Variants in USH2A observed in about 807,000 individuals in gnomAD.
USH2A encodes the protein usherin.
USH2A carries 443 observed loss-of-function variants against 538.9 expected under a neutral mutation model. The observed-to-expected ratio is 0.82, with a 90% CI of 0.76 to 0.89. The LOEUF (loss-of-function observed/expected upper bound fraction) is 0.89. Among genes scored for constraint, USH2A ranks in the 40% least tolerant of loss-of-function variants. USH2A has a pLI of 0.00. For synonymous variants in USH2A, 2,413 were observed against 2,273.5 expected (o/e 1.06, Z -1.75); for missense variants, 6,633 against 6,324.8 (o/e 1.05, Z -1.65).
chr1:216,099,146 T>G (rs905564538), intron 21 of USH2A, among the ~76,000 whole-genome samples: 1 of 152,218 alleles, frequency 6.6e-6, no homozygotes, highest in Non-Finnish European at 1.5e-5. Flanking sequence ...CCTTCTTGAC[T>G]TCTGCATCTC....
intron 41 of USH2A, among the ~76,000 whole-genome samples, chr1:215,888,117 T>C (rs1367509227): frequency 1.3e-5 from 2 of 152,232 alleles, no homozygotes; most frequent in African/African-American, 2.4e-5. Context: ...TCCCATCTCT[T>C]CTCATTTTCT....
At chr1:215,732,299 A>C (rs1214226437) in intron 60 of USH2A, among the ~76,000 whole-genome samples, 1 of 152,186 alleles carries the variant, frequency 6.6e-6, no homozygotes, top group Non-Finnish European at 1.5e-5. Flanking sequence ...ATTTTAAGAC[A>C]GTCCTTTTAA....
At chr1:216,057,642 G>T (rs1350544559) in intron 30 of USH2A, among the ~76,000 whole-genome samples, 13 of 152,066 alleles carry the variant, frequency 8.5e-5, no homozygotes, top group Admixed American at 8.5e-4. Flanking sequence ...AGCTGAGATG[G>T]TGCCAATGCA....
chr1:216,075,413 G>A (rs1389714779), intron 27 of USH2A, among the ~76,000 whole-genome samples: 1 of 152,182 alleles, frequency 6.6e-6, no homozygotes, highest in Non-Finnish European at 1.5e-5. Context: ...TGCGAGAGGA[G>A]TGGAAATGCT....
chr1:216,359,994 A>G (rs1416235193), intron 4 of USH2A, among the ~76,000 whole-genome samples: 2 of 152,210 alleles, frequency 1.3e-5, no homozygotes, highest in East Asian at 3.9e-4. Flanking sequence ...GTCATTTTGG[A>G]AGACAATTTT....
At chr1:216,019,057 A>G (rs1352254908) in intron 32 of USH2A, among the ~76,000 whole-genome samples, 3 of 152,164 alleles carry the variant, frequency 2.0e-5, no homozygotes, top group Admixed American at 2.0e-4. Flanking sequence ...TAATGGTTTT[A>G]TTTTGCTATA....
At chr1:215,803,179 C>G (rs897612261) in intron 49 of USH2A, among the ~76,000 whole-genome samples, 3 of 152,134 alleles carry the variant, frequency 2.0e-5, no homozygotes, top group Admixed American at 6.5e-5. Context: ...CAATATCATA[C>G]TGAATGGGCA....
chr1:216,148,132 C>A (rs1038874453), intron 21 of USH2A, among the ~76,000 whole-genome samples: 65 of 151,784 alleles, frequency 4.3e-4, no homozygotes, highest in African/African-American at 1.4e-3. Flanking sequence ...CGGAGGCTAC[C>A]CACTCCACAT....
chr1:216,157,292 C>T (rs1163654714), intron 21 of USH2A, among the ~76,000 whole-genome samples: 1 of 152,136 alleles, frequency 6.6e-6, no homozygotes, highest in Non-Finnish European at 1.5e-5. Flanking sequence ...TCACACTAGT[C>T]AGAATGTTTA....
At chr1:215,954,364 C>T (rs1667007995) in intron 37 of USH2A, among the ~76,000 whole-genome samples, 1 of 151,968 alleles carries the variant, frequency 6.6e-6, no homozygotes, top group East Asian at 1.9e-4. Flanking sequence ...CACAAATACA[C>T]CATGGAATAC....
chr1:215,893,761 T>C (rs140074396), intron 40 of USH2A, among the ~76,000 whole-genome samples: 93 of 152,244 alleles, frequency 6.1e-4, no homozygotes, highest in African/African-American at 1.8e-3. Flanking sequence ...CCAGGGGAGA[T>C]TCGAGAGCTT....
At chr1:216,183,600 T>C (rs1328882290) in intron 20 of USH2A, among the ~76,000 whole-genome samples, 2 of 151,982 alleles carry the variant, frequency 1.3e-5, no homozygotes, top group Non-Finnish European at 2.9e-5. Flanking sequence ...CGTCACATTC[T>C]AGTATATCAA....
At chr1:215,857,018 A>C (rs1417853255) in intron 44 of USH2A, among the ~76,000 whole-genome samples, 1 of 152,180 alleles carries the variant, frequency 6.6e-6, no homozygotes, top group Non-Finnish European at 1.5e-5. Context: ...CTAAACTGTA[A>C]GGATGCAAAG....
chr1:215,648,740 C>T lies in USH2A; in HGVS notation c.14370G>A (p.Gln4790=), dbSNP rs755080490. The T allele has an allele frequency of 6.2e-7, 1 of 1,614,130 alleles. No individual in the cohort carries two copies. The highest frequency in any genetic ancestry group is 1.1e-5 in the South Asian group (1 of 91,070). ...TVLSEGMATQ[Q]TLHGLQAFTN... ...TGAAGGCTTGAAGGCCATGGAGAGT[C>T]TGCTGGGTGGCCATGCCTTCGGATA... is the stretch of plus-strand genomic sequence containing the variant. Residue 4790 remains glutamine, a synonymous_variant, in exon 66 of 72, where the codon CAG becomes CAA. Coordinates refer to ENST00000307340, the MANE Select transcript of USH2A (RefSeq NM_206933.4).
At chr1:216,384,188 G>A (rs1265015625) in intron 3 of USH2A, among the ~76,000 whole-genome samples, 2 of 150,862 alleles carry the variant, frequency 1.3e-5, no homozygotes, top group African/African-American at 4.9e-5. Context: ...AGAACTTAAA[G>A]TAGAATAAAA....
intron 32 of USH2A, among the ~76,000 whole-genome samples, chr1:216,039,135 T>C (rs560975772): frequency 9.9e-5 from 15 of 152,152 alleles, no homozygotes; most frequent in Middle Eastern, 3.4e-3. Flanking sequence ...CTGTACAAGT[T>C]ATTTCATTTC....
chr1:215,810,695 T>A (rs958768903), intron 49 of USH2A, among the ~76,000 whole-genome samples: 1 of 152,156 alleles, frequency 6.6e-6, no homozygotes, highest in Non-Finnish European at 1.5e-5. Flanking sequence ...ATATGAATCA[T>A]ACATGAAAAC....
At chr1:215,974,308 T>C (rs1373895596) in intron 35 of USH2A, among the ~76,000 whole-genome samples, 1 of 152,174 alleles carries the variant, frequency 6.6e-6, no homozygotes, top group Admixed American at 6.6e-5. Context: ...AGATGCTTTT[T>C]TCTTTAACTA....
intron 4 of USH2A, among the ~76,000 whole-genome samples, chr1:216,346,561 T>C (rs1335564970): frequency 6.6e-6 from 1 of 152,062 alleles, no homozygotes; most frequent in Non-Finnish European, 1.5e-5. Context: ...TCTTTGCACA[T>C]TTGGATCAGA....
Sources: gnomAD v4.1 joint callset for allele counts (sites outside exome capture counted in the v4.1 genomes callset) on GRCh38, gnomAD v4.1.1 for gene constraint, MANE v1.5 for transcripts, NCBI Gene and HGNC (gene_info 2026-07-23, HGNC 2026-07-21) for gene names.